ARPC4: variants seen among roughly 807,000 people sequenced by gnomAD.
ARPC4 encodes actin-related protein 2/3 complex subunit 4.
ARPC4 carries 3 observed loss-of-function variants against 22.8 expected under a neutral mutation model. That is an observed-to-expected ratio of 0.13 (90% confidence interval 0.06 to 0.34). The LOEUF (loss-of-function observed/expected upper bound fraction) is 0.34. ARPC4 is among the 10% of genes least tolerant of loss of function. ARPC4 has a pLI of 1.00. For synonymous variants in ARPC4, 80 were observed against 72.5 expected, an observed-to-expected ratio of 1.10 and a Z score of -0.52; for missense variants, 98 against 211.0, an observed-to-expected ratio of 0.46 and a Z score of 3.32.
At chr3:9,797,282 G>A (rs866604397) in intron 1 of ARPC4, among the ~76,000 whole-genome samples, 9 of 152,138 alleles carry the variant, frequency 5.9e-5, no homozygotes, top group South Asian at 2.1e-4. Context: ...TTTGAGTCTC[G>A]ATAATTCTTT....
intron 2 of ARPC4, chr3:9,799,852 C>T (rs1235001405): frequency 2.2e-5 from 11 of 489,172 alleles, no homozygotes; most frequent in Non-Finnish European, 4.4e-5. Context: ...CGCTATTAGA[C>T]ATTTGACCCT....
chr3:9,800,162 ACT>A, intron 2 of ARPC4, 21 bp from the exon 3 acceptor site: 1 of 1,612,638 alleles, frequency 6.2e-7, no homozygotes, highest in Non-Finnish European at 8.5e-7. Flanking sequence ...TAGTACAAGT[ACT>A]CTGTCACATT....
In ARPC4 at chr3:9,797,821, C is replaced by G. The variant is rs751229837; in HGVS notation, c.122+44C>G. On this transcript the variant is annotated intron_variant, in intron 2 of 5. Transcript: ENST00000397261. ...AGGTGGGGATGAGGGGTGCAGCACA[C>G]AGAGATGGCTGCTGTCTAGAAGGTG... The G allele has an allele frequency of 1.6e-5, 26 of 1,586,266 alleles. No individual in the cohort carries two copies. The Middle Eastern group carries it at 5.0e-4, about 31-fold the overall frequency.
rs780842588 is a variant in ARPC4 at position 9,803,950 on chromosome 3, C to G, written c.438C>G (p.Ile146Met). 4 of 1,614,190 alleles carry G rather than the reference C, an allele frequency of 2.5e-6. No individual in the cohort carries two copies. Among genetic ancestry groups the G allele is most frequent in the Non-Finnish European group, 3.4e-6 (4 of 1,180,042 alleles). ...IHFMEEIDKE[I>M]SEMKLSVNAR... ...TCATGGAGGAGATTGACAAGGAGATCAGTGAGATGAAGCTGTCAGTCAATG... is the reference window on the plus strand; with the variant it reads ...TCATGGAGGAGATTGACAAGGAGATGAGTGAGATGAAGCTGTCAGTCAATG... Residue 146 changes from isoleucine to methionine, a missense_variant, in exon 5 of 6, where the codon ATC (isoleucine) becomes ATG (methionine). Transcript: ENST00000397261.
chr3:9,800,051 T>G (rs1235393763), intron 2 of ARPC4, 134 bp from the exon 3 acceptor site: 1 of 853,540 alleles, frequency 1.2e-6, no homozygotes, highest in Non-Finnish European at 1.9e-6. Flanking sequence ...GGCCCCCATC[T>G]TGGAGCACTC....
chr3:9,792,987 C>T, upstream of ARPC4: 1 of 1,461,570 alleles, frequency 6.8e-7, no homozygotes. Context: ...TAAGGGCTCT[C>T]TACCCCGCTC....
At chr3:9,797,537 G>A in intron 1 of ARPC4, 122 bp from the exon 2 acceptor site, 1 of 1,070,978 alleles carries the variant, frequency 9.3e-7, no homozygotes, top group South Asian at 1.5e-5. Context: ...TCTGTTCACA[G>A]TAGTGTCTTA....
In ARPC4 at chr3:9,806,538, A is replaced by C; in HGVS notation, c.*323A>C. On this transcript the variant is annotated 3_prime_UTR_variant, in exon 6 of 6. Coordinates refer to ENST00000397261, the MANE Select transcript of ARPC4 (RefSeq NM_005718.5). ...TGTCTTTTTTTTTTTTTTTTTTTTT[A>C]AACCTCCACCTCCAGTGGCTGTGAC... 2 of 358,922 alleles carry C rather than the reference A, an allele frequency of 5.6e-6. No individual in the cohort carries two copies. The highest frequency in any genetic ancestry group is 1.0e-5 in the Non-Finnish European group (2 of 199,680). 22.2% of individuals were successfully genotyped at this position (358,922 alleles called of 1,614,324 possible).
chr3:9,805,789 G>A lies in ARPC4; in HGVS notation c.502-421G>A, dbSNP rs1403829213. Among the ~76,000 whole-genome samples, 3 of 152,312 alleles carry A rather than the reference G, an allele frequency of 2.0e-5. No individual in the cohort carries two copies. The East Asian group carries it at 5.8e-4, about 29-fold the overall frequency. ...TTTCAAGGGCCTGGCTTGGTTGGAG[G>A]TTCATCCAGAGCTTGACACAAAAGT... On this transcript the variant is annotated intron_variant, in intron 5 of 5. Coordinates refer to ENST00000397261, the MANE Select transcript of ARPC4 (RefSeq NM_005718.5).
chr3:9,796,940 C>CA (rs374104136), intron 1 of ARPC4, among the ~76,000 whole-genome samples: 74,676 of 114,568 alleles, frequency 0.65, 24,846 homozygotes, highest in Middle Eastern at 0.81. Flanking sequence ...GACTCTGTCT[C>CA]AAAAAAAAAA....
chr3:9,803,946 A>G lies in ARPC4; in HGVS notation c.434A>G (p.Glu145Gly), dbSNP rs754403614. 1 of 1,614,238 alleles carries G rather than the reference A, an allele frequency of 6.2e-7. No individual in the cohort carries two copies. The highest frequency in any genetic ancestry group is 1.3e-5 in the African/African-American group (1 of 75,054). The change falls in exon 5 of 6, where the codon GAG becomes GGG. Residue 145 changes from glutamate (E) to glycine (G), a missense_variant. Transcript: ENST00000397261. ...CACTTCATGGAGGAGATTGACAAGG[A>G]GATCAGTGAGATGAAGCTGTCAGTC... ...VIHFMEEIDK[E>G]ISEMKLSVNA...
intron 5 of ARPC4, among the ~76,000 whole-genome samples, chr3:9,804,860 C>T (rs1464103522): frequency 6.6e-6 from 1 of 152,210 alleles, no homozygotes; most frequent in Admixed American, 6.5e-5. Context: ...CATGGCTGTT[C>T]AGCTCACTCG....
At chr3:9,797,538 T>C (rs761441666) in intron 1 of ARPC4, 121 bp from the exon 2 acceptor site, 24 of 1,069,730 alleles carry the variant, frequency 2.2e-5, no homozygotes, top group African/African-American at 6.3e-5. Context: ...CTGTTCACAG[T>C]AGTGTCTTAA....
chr3:9,802,294 G>A (rs1193025310), intron 4 of ARPC4, among the ~76,000 whole-genome samples: 1 of 149,570 alleles, frequency 6.7e-6, no homozygotes, highest in African/African-American at 2.5e-5. Context: ...GCTTATTCCC[G>A]GAGCCTATAG....
chr3:9,800,671 C>T (rs375211688), intron 3 of ARPC4, among the ~76,000 whole-genome samples: 2 of 152,158 alleles, frequency 1.3e-5, no homozygotes, highest in South Asian at 2.1e-4. Context: ...GTGATGGGCC[C>T]GCCTCAACCT....
At chr3:9,799,800 A>G in intron 2 of ARPC4, 1 of 449,820 alleles carries the variant, frequency 2.2e-6, no homozygotes, top group Non-Finnish European at 4.4e-6. Flanking sequence ...TGTAGTTACT[A>G]AAATAGCTAT....
In ARPC4 at chr3:9,801,700, C is replaced by G; in HGVS notation, c.274C>G (p.Arg92Gly). The G allele has an allele frequency of 6.2e-7, 1 of 1,609,392 alleles. No individual in the cohort carries two copies. The highest frequency in any genetic ancestry group is 1.1e-5 in the South Asian group (1 of 90,210). ...GAAGATTTTGTGCCACAAGTTCATGCGCTTCATGATGATGCGAGCAGAGAA... is the reference window on the plus strand; with the variant it reads ...GAAGATTTTGTGCCACAAGTTCATGGGCTTCATGATGATGCGAGCAGAGAA... ...IEKILCHKFM[R>G]FMMMRAENFF... Residue 92 changes from arginine (R) to glycine (G), a missense_variant, in exon 4 of 6, where the codon CGC becomes GGC. By Grantham distance (125) the Arg-to-Gly change is moderately radical. Transcript: ENST00000397261.
At chr3:9,797,580 A>T in intron 1 of ARPC4, 79 bp from the exon 2 acceptor site, 1 of 1,510,356 alleles carries the variant, frequency 6.6e-7, no homozygotes. Flanking sequence ...ACCTGGCTTC[A>T]TGGGAGCTGG....
chr3:9,801,506 A>G (rs1163136842), intron 3 of ARPC4, among the ~76,000 whole-genome samples, 155 bp from the exon 4 acceptor site: 1 of 152,162 alleles, frequency 6.6e-6, no homozygotes, highest in African/African-American at 2.4e-5. Context: ...GTTTCAGTTG[A>G]CAGCCAGGTC....
Sources: gnomAD v4.1 joint callset for allele counts (sites outside exome capture counted in the v4.1 genomes callset) on GRCh38, gnomAD v4.1.1 for gene constraint, MANE v1.5 for transcripts, NCBI Gene and HGNC (gene_info 2026-07-23, HGNC 2026-07-21) for gene names.